The following MUC5B variants were observed in gnomAD, a reference collection of about 807,000 sequenced individuals.
MUC5B encodes mucin 5B, oligomeric mucus/gel-forming.
MUC5B carries 116 observed loss-of-function variants against 376.9 expected under a neutral mutation model. That is an observed-to-expected ratio of 0.31 (90% CI 0.26 to 0.36). The LOEUF is 0.36. Among genes scored for constraint, MUC5B ranks in the 10% least tolerant of loss-of-function variants. The pLI is 1.00. For missense variants in MUC5B, 7,165 were observed against 7,769.9 expected, an observed-to-expected ratio of 0.92 and a Z score of 2.93; for synonymous variants, 3,517 against 3,390.9, an observed-to-expected ratio of 1.04 and a Z score of -1.29.
intron 13 of MUC5B, 140 bp from the exon 14 acceptor site, chr11:1,231,283 G>A (rs1862022024): frequency 9.2e-7 from 1 of 1,088,430 alleles, no homozygotes; most frequent in Non-Finnish European, 1.3e-6. Context: ...GGGACAGGGA[G>A]CCTGAGGGCT....
At chr11:1,232,965 C>T in intron 17 of MUC5B, 48 bp from the exon 18 acceptor site, 1 of 1,509,860 alleles carries the variant, frequency 6.6e-7, no homozygotes, top group Admixed American at 2.0e-5. Context: ...GGGGGCTGGC[C>T]AGGCTGCTCG....
rs201801543 is a variant in MUC5B, at chr11:1,249,426, C to T, written c.12546C>T (p.Val4182=). The stretch of plus-strand genomic sequence containing the variant: ...GCCGTGCCCAGGCCCAGCCTGGTGT[C>T]CCCCTGGGGGAGTTGGGCCAGGTCG... The part of the protein sequence containing the change: ...LECRAQAQPG[V]PLGELGQVVE... Residue 4182 remains valine (V), a synonymous_variant, in exon 31 of 49, where the codon GTC becomes GTT. Coordinates refer to ENST00000529681, the MANE Select transcript of MUC5B (RefSeq NM_002458.3). The T allele has an allele frequency of 4.3e-6, 7 of 1,611,450 alleles. No homozygotes were observed. The highest frequency in any genetic ancestry group is 5.1e-6 in the Non-Finnish European group (6 of 1,179,638).
At position 1,230,530 on chromosome 11, in the gene MUC5B, G is replaced by A. The variant is rs369448418; in HGVS notation, c.1400G>A (p.Arg467Gln). The A allele has an allele frequency of 8.7e-6, 14 of 1,611,424 alleles. No homozygotes were observed. The highest frequency in any genetic ancestry group is 6.6e-5 in the South Asian group (6 of 90,788). The change falls in exon 12 of 49, where the codon CGG becomes CAG. Residue 467 changes from arginine (R) to glutamine (Q), a missense_variant. Physicochemically the swap from Arg to Gln is conservative, Grantham distance 43 (BLOSUM62 1). This residue lies in a region of MUC5B where 640 missense variants were observed against 733.0 expected (regional missense o/e 0.87). Coordinates refer to ENST00000529681, the MANE Select transcript of MUC5B (RefSeq NM_002458.3). ...DSSFTVLAELRKCGLTDNENC... is the reference protein window; with the variant it reads ...DSSFTVLAELQKCGLTDNENC... ...AGCTTCACCGTGCTGGCTGAGCTGC[G>A]GAAGTGCGGCCTGACGGACAACGAG...
At position 1,258,256 on chromosome 11, in the gene MUC5B, A is replaced by G. The variant is rs2249550; in HGVS notation, c.16555+53A>G. 0.52 allele frequency: 811,083 copies of G among 1,572,028 alleles called. 210,955 individuals are homozygous for G. The highest frequency in any genetic ancestry group is 0.7 in the East Asian group (29,966 of 42,934). On this transcript the variant is annotated intron_variant, in intron 42 of 48. Coordinates refer to ENST00000529681, the MANE Select transcript of MUC5B (RefSeq NM_002458.3). The surrounding 1 kb of genome is among the most constrained non-coding windows in gnomAD (Gnocchi z 5.5). ...GGTGGCCTCTTGCTGGGGGTGGGGG[A>G]GTGCAGGATGGTGGGGGCGCTGGAG...
chr11:1,237,017 G>T lies in MUC5B; in HGVS notation c.3150G>T (p.Glu1050Asp). ...RSRSVVGDALEFGNSWKLSPS... is the reference protein window; with the variant it reads ...RSRSVVGDALDFGNSWKLSPS... ...GGTCCGTGGTGGGGGACGCACTGGA[G>T]TTTGGGAACAGCTGGAAGCTCTCCC... Residue 1050 changes from glutamate to aspartate, a missense_variant, in exon 25 of 49, where the codon GAG becomes GAT. Coordinates refer to ENST00000529681, the MANE Select transcript of MUC5B (RefSeq NM_002458.3). 6.3e-7 allele frequency: 1 copy of T among 1,578,320 alleles called. No homozygotes were observed. The highest frequency in any genetic ancestry group is 8.6e-7 in the Non-Finnish European group (1 of 1,161,854).
Position 1,230,495 on chromosome 11 carries a change from T to C in MUC5B, c.1365T>C (p.Cys455=). ...GCGTGGGTCCTTCTCCCCAGAAATG[T>C]GCCGACAGCAGCTTCACCGTGCTGG... is the stretch of plus-strand genomic sequence containing the variant. The part of the protein sequence containing the change: ...GDCSYVLSKK[C]ADSSFTVLAE... Residue 455 remains cysteine, a synonymous_variant, in exon 12 of 49, where the codon TGT becomes TGC. Coordinates refer to ENST00000529681, the MANE Select transcript of MUC5B (RefSeq NM_002458.3). 6.2e-7 allele frequency: 1 copy of C among 1,605,478 alleles called. No individual in the cohort carries two copies. The highest frequency in any genetic ancestry group is 8.5e-7 in the Non-Finnish European group (1 of 1,175,802).
At position 1,239,496 on chromosome 11, in the gene MUC5B, C is replaced by T. The variant is rs553466241; in HGVS notation, c.3513C>T (p.Cys1171=). ...GCTGTGAGTGGCACTACCAGCCCTG[C>T]GGGGCACCCTGCCTAAAAACCTGCC... ...HGGCEWHYQP[C]GAPCLKTCRN... Residue 1171 remains cysteine (C), a synonymous_variant, in exon 27 of 49, where the codon TGC becomes TGT. Transcript: ENST00000529681. 4.9e-5 allele frequency: 78 copies of T among 1,606,136 alleles called. No homozygotes were observed. The Admixed American group carries it at 7.8e-4, about 16-fold the overall frequency.
rs1017898300 is a variant in MUC5B, at chr11:1,227,800, C to T, written c.774+19C>T. ...GGACGAGGTGAGTCCCCCGCCACCCCCAGCTCCTGGGCAGGGACGGCCTCC... is the reference window on the plus strand; with the variant it reads ...GGACGAGGTGAGTCCCCCGCCACCCTCAGCTCCTGGGCAGGGACGGCCTCC... On this transcript the variant is annotated intron_variant, in intron 7 of 48. Transcript: ENST00000529681. The T allele has an allele frequency of 1.3e-5, 9 of 696,736 alleles. No homozygotes were observed. Among genetic ancestry groups the T allele is most frequent in the Admixed American group, 1.0e-4 (5 of 49,476 alleles). The allele number at this position is 696,736 out of a possible 1,614,324, so 43.2% of individuals were successfully genotyped here. A position where few individuals can be genotyped will look rare whatever the true frequency, so the allele number is the denominator to read the frequency against.
At chr11:1,259,098 G>A (rs55800237) in intron 44 of MUC5B, 37 bp downstream of exon 44, 43,238 of 1,435,570 alleles carry the variant, frequency 0.03, 807 homozygotes, top group Non-Finnish European at 0.032. Context: ...GTGAGCCCCC[G>A]AGGCACCTGC....
chr11:1,235,852 T>C (rs1862145419), intron 23 of MUC5B, among the ~76,000 whole-genome samples: 1 of 151,130 alleles, frequency 6.6e-6, no homozygotes, highest in African/African-American at 2.4e-5. Context: ...CTTCACTTAA[T>C]CCCGTCTGCA....
rs781779342 is a variant in MUC5B, at chr11:1,242,336, G to A, written c.5456G>A (p.Gly1819Asp). The A allele has an allele frequency of 1.9e-6, 3 of 1,613,914 alleles. No individual in the cohort carries two copies. The highest frequency in any genetic ancestry group is 2.2e-5 in the East Asian group (1 of 44,884). ...TTTGAAAACATCAGGGCTGCTGGGG[G>A]CAAGATGTGCTGGGCACCAAAGAGC... Reference protein sequence around the residue: ...ETFENIRAAGGKMCWAPKSIE... With the variant: ...ETFENIRAAGDKMCWAPKSIE... The change falls in exon 31 of 49, where the codon GGC becomes GAC. Residue 1819 changes from glycine (G) to aspartate (D), a missense_variant. Gly to Asp is a moderately conservative substitution (Grantham distance 94). This residue lies in a region of MUC5B where 897 missense variants were observed against 779.6 expected (regional missense o/e 1.15). Transcript: ENST00000529681.
At chr11:1,260,126 C>T in intron 46 of MUC5B, 41 bp downstream of exon 46, 7 of 1,604,926 alleles carry the variant, frequency 4.4e-6, no homozygotes, top group Non-Finnish European at 6.0e-6. Flanking sequence ...GAGTCCTTGT[C>T]CATCAGGGAG....
At position 1,249,704 on chromosome 11, in the gene MUC5B, C is replaced by T. The variant is rs1375262760; in HGVS notation, c.12824C>T (p.Thr4275Ile). 10 of 1,610,228 alleles carry T rather than the reference C, an allele frequency of 6.2e-6. No homozygotes were observed. The highest frequency in any genetic ancestry group is 7.6e-6 in the Non-Finnish European group (9 of 1,177,894). The stretch of plus-strand genomic sequence containing the variant: ...GCCACCCCGTCCTCCACCCCGGGAA[C>T]AGCTCCCCCTCCCAAAGTGCTGACC... ...STATPSSTPG[T>I]APPPKVLTSP... is the part of the protein sequence containing the mutation. The change falls in exon 31 of 49, where the codon ACA becomes ATA. Residue 4275 changes from threonine (T) to isoleucine (I), a missense_variant. By Grantham distance (89) the Thr-to-Ile change is moderately conservative. This residue lies in a region of MUC5B where 431 missense variants were observed against 390.4 expected (regional missense o/e 1.10). Coordinates refer to ENST00000529681, the MANE Select transcript of MUC5B (RefSeq NM_002458.3).
rs1188461125 is a variant in MUC5B at position 1,258,134 on chromosome 11, G to A, written c.16486G>A (p.Val5496Met). Residue 5496 changes from valine (V) to methionine (M), a missense_variant, in exon 42 of 49, where the codon GTG (valine) becomes ATG (methionine). Val to Met is a conservative substitution (Grantham distance 21). This residue lies in a region of MUC5B where 842 missense variants were observed against 1,016.9 expected (regional missense o/e 0.83). Transcript: ENST00000529681. This position sits in a 1 kb window ranked among gnomAD's most constrained non-coding sequence, Gnocchi z 5.5. Reference sequence around the variant, plus strand: ...AACCACCTGCCCCCAGAGCCTGCCTGTGTGCCCGCCAGGGCAGGAGTCCAT... The same window carrying A: ...AACCACCTGCCCCCAGAGCCTGCCTATGTGCCCGCCAGGGCAGGAGTCCAT... ...NTTTCPQSLP[V>M]CPPGQESICT... 3.1e-6 allele frequency: 5 copies of A among 1,598,626 alleles called. No individual in the cohort carries two copies. Among genetic ancestry groups the A allele is most frequent in the Non-Finnish European group, 4.3e-6 (5 of 1,174,806 alleles).
rs1421904378 is a variant in MUC5B, at chr11:1,258,863, G to T, written c.16594-79G>T. The T allele has an allele frequency of 2.8e-5, 43 of 1,513,580 alleles. No homozygotes were observed. The highest frequency in any genetic ancestry group is 3.7e-5 in the Non-Finnish European group (42 of 1,121,682). The allele number at this position is 1,513,580 out of a possible 1,614,324, so 93.8% of individuals were successfully genotyped here. A position where few individuals can be genotyped will look rare whatever the true frequency, so the allele number is the denominator to read the frequency against. ...CTGAGGAAGGAACAACTCCCTGCAGGCCCCATTGGGTCATGGGGAGGGGTC... is the reference window on the plus strand; with the variant it reads ...CTGAGGAAGGAACAACTCCCTGCAGTCCCCATTGGGTCATGGGGAGGGGTC... On this transcript the variant is annotated intron_variant, in intron 43 of 48. Coordinates refer to ENST00000529681, the MANE Select transcript of MUC5B (RefSeq NM_002458.3). This position sits in a 1 kb window ranked among gnomAD's most constrained non-coding sequence, Gnocchi z 5.5.
chr11:1,251,498 C>G lies in MUC5B; in HGVS notation c.14618C>G (p.Thr4873Arg), dbSNP rs762438946. The change falls in exon 31 of 49, where the codon ACA (threonine) becomes AGA (arginine). Residue 4873 changes from threonine (T) to arginine (R), a missense_variant. Thr to Arg is a moderately conservative substitution (Grantham distance 71). Around this residue, in one of 31 missense-constraint regions of MUC5B, gnomAD observed 730 missense variants for 592.7 expected, o/e 1.23. Coordinates refer to ENST00000529681, the MANE Select transcript of MUC5B (RefSeq NM_002458.3). ...STATASSTLG[T>R]AHTPKVVTTM... Reference sequence around the variant, plus strand: ...GCCACCGCCTCCTCCACTCTGGGAACAGCTCACACCCCCAAAGTGGTGACC... The same window carrying G: ...GCCACCGCCTCCTCCACTCTGGGAAGAGCTCACACCCCCAAAGTGGTGACC... 19 of 1,613,252 alleles carry G rather than the reference C, an allele frequency of 1.2e-5. 1 individual carries two copies. The South Asian group carries it at 1.8e-4, about 15-fold the overall frequency.
chr11:1,260,208 C>A, intron 46 of MUC5B, 123 bp downstream of exon 46: 1 of 1,399,492 alleles, frequency 7.1e-7, no homozygotes, highest in Non-Finnish European at 9.7e-7. Context: ...CCACCCCTGC[C>A]TGGGAAGCCC....
intron 2 of MUC5B, 119 bp downstream of exon 2, chr11:1,225,856 G>A: frequency 2.0e-6 from 2 of 990,462 alleles, no homozygotes; most frequent in Non-Finnish European, 1.5e-6. Context: ...CCCTCCCTGG[G>A]TCCCCTGCCC....
At position 1,240,363 on chromosome 11, in the gene MUC5B, C is replaced by A; in HGVS notation, c.3958C>A (p.His1320Asn). Residue 1320 changes from histidine to asparagine, a missense_variant, in exon 30 of 49, where the codon CAC becomes AAC. Physicochemically the swap from His to Asn is moderately conservative, Grantham distance 68. Coordinates refer to ENST00000529681, the MANE Select transcript of MUC5B (RefSeq NM_002458.3). ...PFTFTTAWVP[H>N]STTSPALPVS... is the part of the protein sequence containing the mutation. ...CACCTTCACCACCGCCTGGGTCCCC[C>A]ACTCCACGACAAGTAAGCCCTGCCT... is the stretch of plus-strand genomic sequence containing the variant. The A allele has an allele frequency of 6.3e-7, 1 of 1,598,082 alleles. No homozygotes were observed. Among genetic ancestry groups the A allele is most frequent in the Non-Finnish European group, 8.6e-7 (1 of 1,169,144 alleles).
Sources: allele counts gnomAD v4.1 joint callset (sites outside exome capture counted in the v4.1 genomes callset), GRCh38; gene constraint gnomAD v4.1.1; regional missense constraint gnomAD v4.1.1; non-coding constraint Gnocchi (gnomAD v3.1); transcripts MANE v1.5; gene names NCBI Gene and HGNC (gene_info 2026-07-23, HGNC 2026-07-21).